Variants in GNAO1 observed in about 807,000 individuals in gnomAD.
The protein encoded by GNAO1 is guanine nucleotide-binding protein G(o) subunit alpha.
For synonymous variants in GNAO1, 164 were observed against 180.7 expected (o/e 0.91, Z 0.74); for missense variants, 166 against 478.7 (o/e 0.35, Z 6.10).
At chr16:56,350,876 C>T (rs2143698721) in intron 6 of GNAO1, among the ~76,000 whole-genome samples, 1 of 152,306 alleles carries the variant, frequency 6.6e-6, no homozygotes, top group Non-Finnish European at 1.5e-5. Context: ...CGGCTCCGGT[C>T]CAGACTCCCC....
rs559847721 is a variant in GNAO1 at position 56,330,171 on chromosome 16, G to A, written c.464+1380G>A. Reference sequence around the variant, plus strand: ...CCAGGTGATGACTACCTAGGCCCCCGGGCCTGATGAGCTCCCAGGGACACC... The same window carrying A: ...CCAGGTGATGACTACCTAGGCCCCCAGGCCTGATGAGCTCCCAGGGACACC... On this transcript the variant is annotated intron_variant, in intron 4 of 8. Coordinates refer to ENST00000262493, the MANE Select transcript of GNAO1 (RefSeq NM_020988.3). 4.6e-5 allele frequency among the ~76,000 whole-genome samples: 7 copies of A among 152,328 alleles called. No individual in the cohort carries two copies. In the East Asian group the frequency reaches 5.8e-4, roughly 13 times the overall value.
rs1246450964 is a variant in GNAO1, at chr16:56,311,455, G to A, written c.304-17176G>A. Among the ~76,000 whole-genome samples the A allele has an allele frequency of 1.3e-5, 2 of 152,136 alleles. No homozygotes were observed. The highest frequency in any genetic ancestry group is 2.9e-5 in the Non-Finnish European group (2 of 68,018). On this transcript the variant is annotated intron_variant, in intron 3 of 8. Coordinates refer to ENST00000262493, the MANE Select transcript of GNAO1 (RefSeq NM_020988.3). This position sits in a 1 kb window ranked among gnomAD's most constrained non-coding sequence, Gnocchi z 5.2. The stretch of plus-strand genomic sequence containing the variant: ...ACCCGGGCCTGACCCCATACCCAGA[G>A]TCACCCAGTGTCTGTCAGGGAAGAT...
At chr16:56,312,491 G>A (rs1036898463) in intron 3 of GNAO1, among the ~76,000 whole-genome samples, 3 of 152,218 alleles carry the variant, frequency 2.0e-5, no homozygotes, top group Admixed American at 2.0e-4. Flanking sequence ...GGCGGCCACA[G>A]CCTGGGCTTG....
At chr16:56,286,498 GC>G in intron 3 of GNAO1, among the ~76,000 whole-genome samples, 1 of 152,250 alleles carries the variant, frequency 6.6e-6, no homozygotes, top group East Asian at 1.9e-4. Context: ...TCTCCACTCT[GC>G]CGCACTGTGT....
intron 2 of GNAO1, among the ~76,000 whole-genome samples, chr16:56,239,330 T>C (rs1481590874): frequency 5.3e-5 from 8 of 152,194 alleles, no homozygotes; most frequent in Non-Finnish European, 4.4e-5. Flanking sequence ...CCCAAATAGG[T>C]GGTCTCAAAA....
chr16:56,344,004 C>G (rs2037837228), intron 6 of GNAO1: 1 of 1,596,514 alleles, frequency 6.3e-7, no homozygotes, highest in South Asian at 1.1e-5. Flanking sequence ...GCCCCCCCTC[C>G]CCTGGAACCA....
chr16:56,324,011 G>C lies in GNAO1; in HGVS notation c.304-4620G>C, dbSNP rs77156191. On this transcript the variant is annotated intron_variant, in intron 3 of 8. Transcript: ENST00000262493. Reference sequence around the variant, plus strand: ...TTGAGCCAATGTGGAAGACAGGAGAGAGCGGGAAGGGCGGGGGGCCAGGGG... The same window carrying C: ...TTGAGCCAATGTGGAAGACAGGAGACAGCGGGAAGGGCGGGGGGCCAGGGG... Among the ~76,000 whole-genome samples, 1,274 of 152,300 alleles carry C rather than the reference G, an allele frequency of 8.4e-3. 21 individuals are homozygous for C. The highest frequency in any genetic ancestry group is 0.029 in the African/African-American group (1,199 of 41,562).
chr16:56,294,929 C>T (rs1029042598), intron 3 of GNAO1, among the ~76,000 whole-genome samples: 1 of 151,990 alleles, frequency 6.6e-6, no homozygotes, highest in Admixed American at 6.6e-5. Context: ...AGTAACTGTT[C>T]AGGTCTTTTA....
intron 2 of GNAO1, among the ~76,000 whole-genome samples, chr16:56,258,261 T>C (rs1451232908): frequency 5.3e-5 from 8 of 152,208 alleles, no homozygotes; most frequent in African/African-American, 7.2e-5. Flanking sequence ...CTCTGCTGCT[T>C]ACTGGCTCTG....
At chr16:56,241,264 G>A (rs2036691464) in intron 2 of GNAO1, among the ~76,000 whole-genome samples, 1 of 152,210 alleles carries the variant, frequency 6.6e-6, no homozygotes, top group Admixed American at 6.5e-5. Context: ...GAAGGCCAGT[G>A]TGAATGAGTA....
chr16:56,222,179 C>T (rs1197666211), intron 2 of GNAO1, among the ~76,000 whole-genome samples: 1 of 151,332 alleles, frequency 6.6e-6, no homozygotes, highest in African/African-American at 2.4e-5. Flanking sequence ...ATGATTATCT[C>T]GCAGGAGAGA....
At chr16:56,290,291 C>T (rs1053925489) in intron 3 of GNAO1, among the ~76,000 whole-genome samples, 1 of 152,186 alleles carries the variant, frequency 6.6e-6, no homozygotes, top group Admixed American at 6.5e-5. Flanking sequence ...AATGTTTGTG[C>T]CCCCTGACCC....
At chr16:56,353,022 T>C (rs1417250060) in intron 7 of GNAO1, 4 of 152,560 alleles carry the variant, frequency 2.6e-5, no homozygotes, top group Admixed American at 2.6e-4. Context: ...GTGCTGGCTG[T>C]GGCTGCCATT....
intron 3 of GNAO1, among the ~76,000 whole-genome samples, chr16:56,321,240 C>T (rs2037568764): frequency 6.6e-6 from 1 of 152,214 alleles, no homozygotes; most frequent in Non-Finnish European, 1.5e-5. Flanking sequence ...AAACAAACAA[C>T]ATATCCTCCA....
intron 2 of GNAO1, among the ~76,000 whole-genome samples, chr16:56,221,848 G>A (rs986585781): frequency 1.3e-5 from 2 of 152,074 alleles, no homozygotes; most frequent in South Asian, 4.1e-4. Flanking sequence ...TCAATGTCCT[G>A]TGGTCTTTGA....
At chr16:56,290,056 G>A (rs115420794) in intron 3 of GNAO1, among the ~76,000 whole-genome samples, 175 of 152,344 alleles carry the variant, frequency 1.1e-3, no homozygotes, top group African/African-American at 4.1e-3. Context: ...TCCTGCCACA[G>A]GCTCTGCTGC....
At chr16:56,348,758 C>T (rs1258423742) in intron 6 of GNAO1, among the ~76,000 whole-genome samples, 12 of 138,278 alleles carry the variant, frequency 8.7e-5, no homozygotes, top group African/African-American at 2.3e-4. Context: ...GTCTCAGTGC[C>T]GGCGCCTCCC....
At chr16:56,239,453 A>G (rs1259008076) in intron 2 of GNAO1, among the ~76,000 whole-genome samples, 1 of 152,140 alleles carries the variant, frequency 6.6e-6, no homozygotes, top group Non-Finnish European at 1.5e-5. Flanking sequence ...CAGTTGGAAA[A>G]AACCTTCCAA....
rs528035368 is a variant in GNAO1 at position 56,340,007 on chromosome 16, A to T, written c.723+3147A>T. Among the ~76,000 whole-genome samples, 8 of 152,262 alleles carry T rather than the reference A, an allele frequency of 5.3e-5. No individual in the cohort carries two copies. The East Asian group carries it at 1.4e-3, about 26-fold the overall frequency. ...CCCATCCTGCATCTCTTGCCCTGCA[A>T]TCCACAGGCCCAGGATGGCCATGGC... is the stretch of plus-strand genomic sequence containing the variant. On this transcript the variant is annotated intron_variant, in intron 6 of 8. Transcript: ENST00000262493.
Sources: allele counts gnomAD v4.1 joint callset (sites outside exome capture counted in the v4.1 genomes callset), GRCh38; gene constraint gnomAD v4.1.1; non-coding constraint Gnocchi (gnomAD v3.1); transcripts MANE v1.5; gene names NCBI Gene and HGNC (gene_info 2026-07-23, HGNC 2026-07-21).